The following NEGR1 variants were observed in gnomAD, a reference collection of about 807,000 sequenced individuals.
NEGR1 encodes neuronal growth regulator 1, also known as IgLON family member 4.
Under a neutral mutation model 40.9 loss-of-function variants are expected in NEGR1, and 10 were observed. The observed-to-expected ratio is 0.24, with a 90% CI of 0.15 to 0.42. The LOEUF (loss-of-function observed/expected upper bound fraction) is 0.42, where lower values mean the gene tolerates loss of function less well. NEGR1 is among the 10% of genes least tolerant of loss of function. The pLI, the probability that NEGR1 is intolerant of heterozygous loss-of-function variation, is 1.00. For synonymous variants in NEGR1, 185 were observed against 166.8 expected (o/e 1.11, Z -0.84); for missense variants, 352 against 438.9 (o/e 0.80, Z 1.77).
intron 4 of NEGR1, among the ~76,000 whole-genome samples, chr1:71,648,227 T>C (rs1331733334): frequency 6.6e-6 from 1 of 152,024 alleles, no homozygotes; most frequent in Non-Finnish European, 1.5e-5. Flanking sequence ...GAACAGTTTC[T>C]GAATTACCTG....
intron 6 of NEGR1, among the ~76,000 whole-genome samples, chr1:71,445,308 T>A (rs1983121): frequency 0.58 from 84,165 of 144,942 alleles, 24,017 homozygotes; most frequent in Non-Finnish European, 0.65. Flanking sequence ...GCTTTTTTTT[T>A]TAAAAAAAAA....
chr1:72,074,831 A>AT (rs1194627153), intron 1 of NEGR1, among the ~76,000 whole-genome samples: 1 of 152,074 alleles, frequency 6.6e-6, no homozygotes, highest in Non-Finnish European at 1.5e-5. Flanking sequence ...TGATTTCTCC[A>AT]TTTTTTGGTC....
intron 2 of NEGR1, among the ~76,000 whole-genome samples, chr1:71,792,721 C>G (rs992637121): frequency 2.0e-5 from 3 of 152,080 alleles, no homozygotes; most frequent in African/African-American, 7.2e-5. Context: ...ATTTTAATAT[C>G]AAACTGTTTC....
At chr1:71,751,908 A>T (rs1281401297) in intron 3 of NEGR1, among the ~76,000 whole-genome samples, 3 of 152,232 alleles carry the variant, frequency 2.0e-5, no homozygotes, top group Non-Finnish European at 4.4e-5. Flanking sequence ...ATTTATCGTC[A>T]TATGAGAATA....
intron 3 of NEGR1, among the ~76,000 whole-genome samples, chr1:71,769,947 T>C (rs1248281758): frequency 6.6e-6 from 1 of 152,198 alleles, no homozygotes; most frequent in African/African-American, 2.4e-5. Flanking sequence ...GTATTTGAAG[T>C]TTAAGGAAGT....
intron 3 of NEGR1, among the ~76,000 whole-genome samples, chr1:71,762,491 T>A (rs1020133431): frequency 1.3e-5 from 2 of 152,002 alleles, no homozygotes; most frequent in Admixed American, 6.6e-5. Context: ...AAAAGAAACA[T>A]GATTGTTCAT....
In NEGR1 at chr1:71,813,423, T is replaced by A. The variant is rs1432576447; in HGVS notation, c.410-37126A>T. ...TTGTCTTCCCTATATGGGCTCTTTT[T>A]TGGTCCCATAAGAATTTTAAAGTAG... On this transcript the variant is annotated intron_variant, in intron 2 of 6. Transcript: ENST00000357731. Among the ~76,000 whole-genome samples, 8 of 152,174 alleles carry A rather than the reference T, an allele frequency of 5.3e-5. No individual in the cohort carries two copies. The South Asian group carries it at 1.4e-3, about 28-fold the overall frequency.
rs148539564 is a variant in NEGR1 at position 72,141,793 on chromosome 1, G to T, written c.176+140526C>A. On this transcript the variant is annotated intron_variant, in intron 1 of 6. Coordinates refer to ENST00000357731, the MANE Select transcript of NEGR1 (RefSeq NM_173808.3). Reference sequence around the variant, plus strand: ...TTGGGCTGAAGGACAAAAGCAGAAAGTCTTTTCTCTAATGCACTGTGCCTT... The same window carrying T: ...TTGGGCTGAAGGACAAAAGCAGAAATTCTTTTCTCTAATGCACTGTGCCTT... 3.0e-4 allele frequency among the ~76,000 whole-genome samples: 46 copies of T among 152,056 alleles called. No homozygotes were observed. In the East Asian group the frequency reaches 8.9e-3, roughly 29 times the overall value.
At chr1:71,620,272 C>T (rs1650569853) in intron 4 of NEGR1, among the ~76,000 whole-genome samples, 1 of 151,948 alleles carries the variant, frequency 6.6e-6, no homozygotes, top group Non-Finnish European at 1.5e-5. Flanking sequence ...ATCGGTCCTA[C>T]AGAATCCACA....
At chr1:71,864,944 GA>G (rs1660069245) in intron 2 of NEGR1, among the ~76,000 whole-genome samples, 3 of 152,280 alleles carry the variant, frequency 2.0e-5, no homozygotes, top group African/African-American at 7.2e-5. Flanking sequence ...ACATGAAGAA[GA>G]AAGGGAATGT....
At chr1:71,682,836 CT>C (rs1652885855) in intron 4 of NEGR1, among the ~76,000 whole-genome samples, 1 of 152,102 alleles carries the variant, frequency 6.6e-6, no homozygotes, top group Admixed American at 6.5e-5. Flanking sequence ...ATCAGGATAA[CT>C]GATTGTTCAA....
rs988565667 is a variant in NEGR1 at position 71,632,234 on chromosome 1, T to C, written c.668-21088A>G. Among the ~76,000 whole-genome samples, 11 of 151,788 alleles carry C rather than the reference T, an allele frequency of 7.2e-5. No individual in the cohort carries two copies. In the South Asian group the frequency reaches 1.9e-3, roughly 26 times the overall value. The stretch of plus-strand genomic sequence containing the variant: ...CTTTCTTGATGTGTGTGTATACATA[T>C]GCAATTATGTATGCACGTACATATT... On this transcript the variant is annotated intron_variant, in intron 4 of 6. Coordinates refer to ENST00000357731, the MANE Select transcript of NEGR1 (RefSeq NM_173808.3).
intron 1 of NEGR1, among the ~76,000 whole-genome samples, chr1:72,117,624 C>G (rs1165400791): frequency 6.6e-6 from 1 of 151,808 alleles, no homozygotes; most frequent in Non-Finnish European, 1.5e-5. Flanking sequence ...CTTACACACA[C>G]TATGGCCCTA....
At chr1:72,144,277 G>C (rs1026959819) in intron 1 of NEGR1, among the ~76,000 whole-genome samples, 3 of 151,474 alleles carry the variant, frequency 2.0e-5, no homozygotes, top group Admixed American at 1.3e-4. Context: ...GATTAGCCAG[G>C]TTTGTACTAG....
chr1:71,876,604 A>G (rs202079187), intron 2 of NEGR1, among the ~76,000 whole-genome samples: 2 of 150,514 alleles, frequency 1.3e-5, no homozygotes, highest in South Asian at 2.1e-4. Context: ...AAGGAAGGAA[A>G]GAAGGAAGGA....
At chr1:72,212,135 T>G (rs1653631321) in intron 1 of NEGR1, among the ~76,000 whole-genome samples, 1 of 151,990 alleles carries the variant, frequency 6.6e-6, no homozygotes, top group African/African-American at 2.4e-5. Flanking sequence ...TTTGATTCAC[T>G]CAACGTTAGG....
intron 2 of NEGR1, among the ~76,000 whole-genome samples, chr1:71,894,299 A>G (rs1448467671): frequency 2.0e-5 from 3 of 152,154 alleles, no homozygotes; most frequent in Non-Finnish European, 4.4e-5. Flanking sequence ...GTGCTTGAAT[A>G]CTACAATTCA....
intron 6 of NEGR1, among the ~76,000 whole-genome samples, chr1:71,559,636 A>T (rs1051563730): frequency 6.6e-6 from 1 of 151,640 alleles, no homozygotes; most frequent in African/African-American, 2.4e-5. Flanking sequence ...CCTTTAAAAG[A>T]AAAACAAATT....
chr1:71,706,686 A>G (rs543116167), intron 3 of NEGR1, among the ~76,000 whole-genome samples: 3 of 151,508 alleles, frequency 2.0e-5, no homozygotes, highest in African/African-American at 7.3e-5. Context: ...CATGGATCAG[A>G]CTCAAAAGGC....
Sources: allele counts gnomAD v4.1 joint callset (sites outside exome capture counted in the v4.1 genomes callset), GRCh38; gene constraint gnomAD v4.1.1; transcripts MANE v1.5; gene names NCBI Gene and HGNC (gene_info 2026-07-23, HGNC 2026-07-21).